MICAL2: variants seen among roughly 807,000 people sequenced by gnomAD.
MICAL2 encodes the protein [F-actin]-monooxygenase MICAL2.
A neutral mutation model predicts 127.3 loss-of-function variants in MICAL2; 77 were observed. The ratio of observed to expected loss-of-function variants is 0.60; its 90% CI spans 0.50 to 0.73. The LOEUF is 0.73. MICAL2 is among the 30% of genes least tolerant of loss of function. The pLI is 0.00. For missense variants in MICAL2, 1,351 were observed against 1,434.4 expected (o/e 0.94, Z 0.94); for synonymous variants, 570 against 551.1 (o/e 1.03, Z -0.48).
At chr11:12,170,547 T>C (rs1400030335) in intron 3 of MICAL2, among the ~76,000 whole-genome samples, 1 of 152,230 alleles carries the variant, frequency 6.6e-6, no homozygotes, top group African/African-American at 2.4e-5. Flanking sequence ...CACTTATATT[T>C]CTCTTGAAAA....
chr11:12,329,852 C>T (rs1048217250), intron 32 of MICAL2, among the ~76,000 whole-genome samples: 14 of 138,398 alleles, frequency 1.0e-4, no homozygotes, highest in South Asian at 7.2e-4. Context: ...TCTTCCTCAT[C>T]CCCAAATATG....
At chr11:12,302,125 T>G (rs967778431) in intron 29 of MICAL2, among the ~76,000 whole-genome samples, 4 of 152,166 alleles carry the variant, frequency 2.6e-5, no homozygotes, top group Admixed American at 2.6e-4. Context: ...TAGTGTTTGT[T>G]TAAGCCTTTT....
chr11:12,308,662 T>C (rs1364909009), intron 29 of MICAL2, among the ~76,000 whole-genome samples: 9 of 152,214 alleles, frequency 5.9e-5, no homozygotes. Flanking sequence ...AGCAAGACAA[T>C]CATGTTGTCT....
chr11:12,177,563 A>C (rs79829249), intron 3 of MICAL2, among the ~76,000 whole-genome samples: 5,473 of 152,284 alleles, frequency 0.036, 236 homozygotes, highest in African/African-American at 0.11. Flanking sequence ...TATCCAAGAA[A>C]TCCTGACCAA....
At chr11:12,211,336 G>A (rs1223519306) in intron 6 of MICAL2, among the ~76,000 whole-genome samples, 4 of 152,134 alleles carry the variant, frequency 2.6e-5, no homozygotes, top group South Asian at 2.1e-4. Flanking sequence ...AGCCAAGATC[G>A]CACCACTGCA....
chr11:12,173,414 A>G (rs7950540), intron 3 of MICAL2, among the ~76,000 whole-genome samples: 12,568 of 152,256 alleles, frequency 0.083, 704 homozygotes, highest in African/African-American at 0.16. Context: ...CCTTCCAGCC[A>G]AGGAGAACAT....
At chr11:12,243,228 T>C (rs1436568550) in intron 20 of MICAL2, 1 of 153,342 alleles carries the variant, frequency 6.5e-6, no homozygotes, top group Non-Finnish European at 1.5e-5. Context: ...GCCAACCACA[T>C]GCTGCAACTG....
intron 8 of MICAL2, among the ~76,000 whole-genome samples, chr11:12,219,471 T>C (rs907441697): frequency 2.3e-5 from 3 of 130,230 alleles, no homozygotes; most frequent in African/African-American, 9.0e-5. Flanking sequence ...GAGGTTGCAG[T>C]GAGCCAAAAT....
At chr11:12,208,225 A>G in intron 5 of MICAL2, 86 bp downstream of exon 5, 1 of 1,096,552 alleles carries the variant, frequency 9.1e-7, no homozygotes, top group Non-Finnish European at 1.4e-6. Flanking sequence ...GTGTTTCTGT[A>G]GGAGTTATTC....
intron 2 of MICAL2, among the ~76,000 whole-genome samples, chr11:12,161,096 C>G (rs1854731608): frequency 6.6e-6 from 1 of 152,244 alleles, no homozygotes; most frequent in South Asian, 2.1e-4. Context: ...CTCCTGACAG[C>G]TGGGTCAGCC....
chr11:12,294,965 T>TA (rs1863967217), downstream of MICAL2: 1 of 1,336,480 alleles, frequency 7.5e-7, no homozygotes, highest in African/African-American at 1.5e-5. Context: ...TCTCAAATAC[T>TA]AACAAAAGTA....
chr11:12,343,749 A>G (rs1169245308), intron 32 of MICAL2, among the ~76,000 whole-genome samples: 1 of 152,210 alleles, frequency 6.6e-6, no homozygotes, highest in Non-Finnish European at 1.5e-5. Context: ...GGCCCAGTGC[A>G]TGTGGCAGAT....
intron 32 of MICAL2, among the ~76,000 whole-genome samples, chr11:12,337,299 A>G (rs978764817): frequency 6.6e-6 from 1 of 152,052 alleles, no homozygotes; most frequent in African/African-American, 2.4e-5. Flanking sequence ...CGGTGGTGAT[A>G]TCCCCTTTGT....
chr11:12,125,355 G>A (rs1171227806), intron 1 of MICAL2, among the ~76,000 whole-genome samples: 2 of 152,210 alleles, frequency 1.3e-5, no homozygotes, highest in African/African-American at 4.8e-5. Context: ...CTGGGTTCAA[G>A]TGCTTCTCCT....
intron 3 of MICAL2, among the ~76,000 whole-genome samples, chr11:12,198,860 G>A (rs1430456747): frequency 5.3e-5 from 8 of 152,226 alleles, no homozygotes; most frequent in African/African-American, 1.9e-4. Flanking sequence ...TTCCCACCCT[G>A]CGGAAGCACA....
intron 6 of MICAL2, among the ~76,000 whole-genome samples, chr11:12,212,782 A>C (rs757267145): frequency 1.3e-5 from 2 of 152,220 alleles, no homozygotes; most frequent in Non-Finnish European, 2.9e-5. Context: ...AATACAACCC[A>C]AAAAATTGGA....
intron 16 of MICAL2, among the ~76,000 whole-genome samples, chr11:12,238,671 T>A (rs1859443712): frequency 8.1e-6 from 1 of 123,330 alleles, no homozygotes; most frequent in Non-Finnish European, 1.9e-5. Flanking sequence ...AAAAAAGATA[T>A]TAGTGGAAAA....
chr11:12,182,884 G>A (rs1289438925), intron 3 of MICAL2, among the ~76,000 whole-genome samples: 2 of 152,152 alleles, frequency 1.3e-5, no homozygotes, highest in East Asian at 3.8e-4. Context: ...GGGCCTTGGG[G>A]TAACATGTTC....
chr11:12,134,835 A>AC (rs1851709929), intron 1 of MICAL2, among the ~76,000 whole-genome samples: 2 of 152,206 alleles, frequency 1.3e-5, no homozygotes, highest in South Asian at 4.2e-4. Flanking sequence ...ACAAAAAAAA[A>AC]ATTAAATTAA....
Sources: allele counts gnomAD v4.1 joint callset (sites outside exome capture counted in the v4.1 genomes callset), GRCh38; gene constraint gnomAD v4.1.1; transcripts MANE v1.5; gene names NCBI Gene and HGNC (gene_info 2026-07-23, HGNC 2026-07-21).